The following DZIP1 variants were observed in gnomAD, a reference collection of about 807,000 sequenced individuals.
DZIP1 encodes the protein DAZ interacting zinc finger protein 1, also known as cilium assembly protein DZIP1.
In DZIP1, 97 loss-of-function variants were observed where a neutral mutation model predicts 107.6. The ratio of observed to expected loss-of-function variants is 0.90; its 90% confidence interval spans 0.77 to 1.07. The LOEUF (loss-of-function observed/expected upper bound fraction) is 1.07. DZIP1 is among the 50% of genes least tolerant of loss of function. The probability of loss-of-function intolerance (pLI) is 0.00; values close to 1 mark genes in which losing one functional copy is unlikely to be tolerated. For synonymous variants in DZIP1, 390 were observed against 386.4 expected (o/e 1.01, Z -0.11); for missense variants, 1,035 against 1,063.6 (o/e 0.97, Z 0.37).
chr13:95,594,170 G>GC, intron 15 of DZIP1, 84 bp from the exon 16 acceptor site: 1 of 1,109,718 alleles, frequency 9.0e-7, no homozygotes, highest in Non-Finnish European at 1.3e-6. Context: ...GCAAACCACA[G>GC]CTTTTAAGCA....
rs1035948836 is a variant in DZIP1 at position 95,579,737 on chromosome 13, A to G, written c.*2497T>C. On this transcript the variant is annotated 3_prime_UTR_variant, in exon 23 of 23. Transcript: ENST00000376829. ...GAACAAGTTTGTTAAAAGATAAAAA[A>G]TAAAAAAAATTCCATACCTTGATAA... 3 of 152,260 alleles carry G rather than the reference A, an allele frequency of 2.0e-5. No individual in the cohort carries two copies. Among genetic ancestry groups the G allele is most frequent in the African/African-American group, 7.2e-5 (3 of 41,474 alleles). 9.4% of individuals were successfully genotyped at this position (152,260 alleles called of 1,614,324 possible). A position where few individuals can be genotyped will look rare whatever the true frequency, so the allele number is the denominator to read the frequency against.
chr13:95,620,122 G>A (rs1875643091), intron 9 of DZIP1, among the ~76,000 whole-genome samples, 175 bp from the exon 10 acceptor site: 1 of 152,216 alleles, frequency 6.6e-6, no homozygotes, highest in African/African-American at 2.4e-5. Context: ...TTGAAGGAAG[G>A]GCCTGGTGGG....
At chr13:95,593,697 C>T (rs2044370532) in intron 16 of DZIP1, among the ~76,000 whole-genome samples, 1 of 152,160 alleles carries the variant, frequency 6.6e-6, no homozygotes, top group Non-Finnish European at 1.5e-5. Flanking sequence ...TGTCAAGATA[C>T]TAATGTCATT....
chr13:95,610,241 C>G (rs1031400846), intron 12 of DZIP1, among the ~76,000 whole-genome samples: 1 of 151,954 alleles, frequency 6.6e-6, no homozygotes, highest in African/African-American at 2.4e-5. Flanking sequence ...AAACCTGTAA[C>G]CCCCAAACAG....
chr13:95,586,679 T>C (rs1286985806), intron 20 of DZIP1, among the ~76,000 whole-genome samples: 1 of 151,306 alleles, frequency 6.6e-6, no homozygotes, highest in Non-Finnish European at 1.5e-5. Flanking sequence ...ATACCCATTA[T>C]ATACAATATA....
At chr13:95,642,317 T>G in intron 3 of DZIP1, 76 bp from the exon 4 acceptor site, 1 of 367,598 alleles carries the variant, frequency 2.7e-6, no homozygotes, top group Non-Finnish European at 4.8e-6. Context: ...ACCTCCTGGG[T>G]ACCGGCTCCC....
chr13:95,610,933 C>T (rs537679928), intron 12 of DZIP1, among the ~76,000 whole-genome samples: 17 of 152,300 alleles, frequency 1.1e-4, no homozygotes, highest in South Asian at 8.3e-4. Context: ...ACCATGCTCT[C>T]GGATTTCCCA....
chr13:95,612,060 G>A lies in DZIP1; in HGVS notation c.1291C>T (p.Leu431=), dbSNP rs757247761. Residue 431 remains leucine (L), a synonymous_variant, in exon 11 of 23, where the codon CTG becomes TTG. Transcript: ENST00000376829. ...ACCTGCTGTCTCTGAGTTATAATCA[G>A]CTCATTCTGCTCCTGGAGTCTCTGC... ...LGQRLQEQNE[L]IITQRQQIKD... is the part of the protein sequence containing the mutation. 7 of 1,613,550 alleles carry A rather than the reference G, an allele frequency of 4.3e-6. No homozygotes were observed. The South Asian group carries it at 7.7e-5, about 18-fold the overall frequency.
chr13:95,586,498 C>A (rs2044163942), intron 20 of DZIP1, among the ~76,000 whole-genome samples: 1 of 151,944 alleles, frequency 6.6e-6, no homozygotes, highest in South Asian at 2.1e-4. Context: ...CTGTGCCTGG[C>A]CTAAAGTTTA....
rs541653596 is a variant in DZIP1, at chr13:95,600,201, G to A, written c.1478-777C>T. Among the ~76,000 whole-genome samples the A allele has an allele frequency of 2.6e-5, 4 of 152,300 alleles. No individual in the cohort carries two copies. The East Asian group carries it at 7.7e-4, about 29-fold the overall frequency. On this transcript the variant is annotated intron_variant, in intron 14 of 22. Transcript: ENST00000376829. Reference sequence around the variant, plus strand: ...AAATTTCCTTCATGGTGAAGGTCAGGTTTTAGGTGAAGGTTTAATGATGGT... The same window carrying A: ...AAATTTCCTTCATGGTGAAGGTCAGATTTTAGGTGAAGGTTTAATGATGGT...
At chr13:95,624,745 G>A in intron 8 of DZIP1, 23 bp downstream of exon 8, 2 of 1,574,398 alleles carry the variant, frequency 1.3e-6, no homozygotes, top group Non-Finnish European at 8.7e-7. Context: ...AATACCATAA[G>A]AACTTCTAGG....
chr13:95,600,565 G>C (rs1241052079), intron 14 of DZIP1, among the ~76,000 whole-genome samples: 2 of 151,592 alleles, frequency 1.3e-5, no homozygotes, highest in African/African-American at 2.4e-5. Context: ...GAGAGAGAGA[G>C]AGATGATAGA....
In DZIP1 at chr13:95,642,125, C is replaced by G; in HGVS notation, c.-96G>C. 7.1e-7 allele frequency: 1 copy of G among 1,410,874 alleles called. No individual in the cohort carries two copies. Among genetic ancestry groups the G allele is most frequent in the Non-Finnish European group, 9.2e-7 (1 of 1,085,130 alleles). The allele number at this position is 1,410,874 out of a possible 1,614,324, so 87.4% of individuals were successfully genotyped here. A position where few individuals can be genotyped will look rare whatever the true frequency, so the allele number is the denominator to read the frequency against. On this transcript the variant is annotated 5_prime_UTR_variant, in exon 4 of 23. Coordinates refer to ENST00000376829, the MANE Select transcript of DZIP1 (RefSeq NM_198968.4). ...CGGGAGAAGGCCGGGTTCCTCGCTT[C>G]CGCGGCGGCGGCGGCCTAAGGTCTG...
intron 12 of DZIP1, among the ~76,000 whole-genome samples, chr13:95,610,600 G>T (rs952638271): frequency 2.6e-5 from 4 of 152,136 alleles, no homozygotes; most frequent in African/African-American, 9.7e-5. Context: ...GAGCAACTGT[G>T]CCTGGCCTAC....
At chr13:95,611,567 T>G in intron 11 of DZIP1, 74 bp from the exon 12 acceptor site, 1 of 1,195,372 alleles carries the variant, frequency 8.4e-7, no homozygotes, top group Non-Finnish European at 1.2e-6. Context: ...AATGGACAGA[T>G]AATGTTGTTA....
intron 5 of DZIP1, among the ~76,000 whole-genome samples, chr13:95,634,022 C>T (rs1877513557): frequency 1.3e-5 from 2 of 152,212 alleles, no homozygotes; most frequent in African/African-American, 4.8e-5. Flanking sequence ...GTTAAAGGAG[C>T]CCTTCTGCTG....
Position 95,624,168 on chromosome 13 carries a change from C to T in DZIP1, c.972+600G>A, listed in dbSNP as rs144926201. Reference sequence around the variant, plus strand: ...CTTCGCTCAGCTCCCTTCCTTTCTCCGTTTTCCCCAAAGAAGACTCAGGTC... The same window carrying T: ...CTTCGCTCAGCTCCCTTCCTTTCTCTGTTTTCCCCAAAGAAGACTCAGGTC... On this transcript the variant is annotated intron_variant, in intron 8 of 22. Transcript: ENST00000376829. 2.7e-3 allele frequency among the ~76,000 whole-genome samples: 418 copies of T among 152,290 alleles called. 1 individual carries two copies. The highest frequency in any genetic ancestry group is 9.5e-3 in the African/African-American group (396 of 41,576).
chr13:95,592,974 C>A (rs562825615), intron 16 of DZIP1, among the ~76,000 whole-genome samples: 1 of 152,144 alleles, frequency 6.6e-6, no homozygotes, highest in African/African-American at 2.4e-5. Flanking sequence ...TACTGACTAG[C>A]AGAAAGTAAA....
chr13:95,616,201 G>A lies in DZIP1; in HGVS notation c.1173+3684C>T, dbSNP rs916510611. On this transcript the variant is annotated intron_variant, in intron 10 of 22. Coordinates refer to ENST00000376829, the MANE Select transcript of DZIP1 (RefSeq NM_198968.4). ...AGATAAAATATGCTGGGAGGTGAAC[G>A]CCATCGTCCTAACTACATAGTCATT... is the stretch of plus-strand genomic sequence containing the variant. 8.5e-5 allele frequency among the ~76,000 whole-genome samples: 13 copies of A among 152,196 alleles called. No individual in the cohort carries two copies. In the South Asian group the frequency reaches 1.4e-3, roughly 17 times the overall value.
Sources: allele counts gnomAD v4.1 joint callset (sites outside exome capture counted in the v4.1 genomes callset), GRCh38; gene constraint gnomAD v4.1.1; transcripts MANE v1.5; gene names NCBI Gene and HGNC (gene_info 2026-07-23, HGNC 2026-07-21).